The following RORB variants were observed in gnomAD, a reference collection of about 807,000 sequenced individuals.
RORB encodes RAR related orphan receptor B.
Under a neutral mutation model 59.1 loss-of-function variants are expected in RORB, and 6 were observed. The observed-to-expected ratio is 0.10, with a 90% confidence interval of 0.06 to 0.20. The LOEUF (loss-of-function observed/expected upper bound fraction) is 0.20, where lower values mean the gene tolerates loss of function less well. Among genes scored for constraint, RORB ranks in the 10% least tolerant of loss-of-function variants. RORB has a pLI of 1.00. For missense variants in RORB, 320 were observed against 560.5 expected (o/e 0.57, Z 4.33); for synonymous variants, 215 against 204.5 (o/e 1.05, Z -0.44).
At chr9:74,632,312 T>C (rs1018944019) in intron 2 of RORB, among the ~76,000 whole-genome samples, 1 of 152,148 alleles carries the variant, frequency 6.6e-6, no homozygotes, top group African/African-American at 2.4e-5. Context: ...TTAGTCAAAA[T>C]GGCACTGTAC....
In RORB at chr9:74,662,691, T is replaced by G. The variant is rs1296605626; in HGVS notation, c.892+85T>G. On this transcript the variant is annotated intron_variant, in intron 6 of 9. Coordinates refer to ENST00000376896, the MANE Select transcript of RORB (RefSeq NM_006914.4). ...CTGTGTTGGTTCTAGAAAATCCTCC[T>G]TCCGATATGCAGCTCGTTTCTACCA... The G allele has an allele frequency of 1.5e-5, 21 of 1,419,966 alleles. No homozygotes were observed. The East Asian group carries it at 4.9e-4, about 33-fold the overall frequency. 88.0% of individuals were successfully genotyped at this position (1,419,966 alleles called of 1,614,324 possible). A position where few individuals can be genotyped will look rare whatever the true frequency, so the allele number is the denominator to read the frequency against.
At chr9:74,573,817 A>C (rs1266085201) in intron 1 of RORB, among the ~76,000 whole-genome samples, 1 of 152,110 alleles carries the variant, frequency 6.6e-6, no homozygotes, top group African/African-American at 2.4e-5. Context: ...TTCTGTCCTC[A>C]GGTGCTCTTG....
intron 1 of RORB, among the ~76,000 whole-genome samples, chr9:74,527,683 CA>C (rs1826176493): frequency 6.6e-6 from 1 of 152,004 alleles, no homozygotes. Flanking sequence ...CATGTTTTGT[CA>C]AAGATTTCCA....
intron 3 of RORB, among the ~76,000 whole-genome samples, chr9:74,639,442 C>T (rs1164785930): frequency 2.0e-5 from 3 of 151,828 alleles, no homozygotes; most frequent in Non-Finnish European, 4.4e-5. Flanking sequence ...AATCAGTCAT[C>T]TACAAAGTAT....
At chr9:74,627,298 T>C (rs1437177985) in intron 1 of RORB, among the ~76,000 whole-genome samples, 2 of 152,224 alleles carry the variant, frequency 1.3e-5, no homozygotes, top group Non-Finnish European at 2.9e-5. Flanking sequence ...GGATGATTTA[T>C]TATATTGCAA....
chr9:74,501,643 G>T (rs1825805051), intron 1 of RORB, among the ~76,000 whole-genome samples: 3 of 152,070 alleles, frequency 2.0e-5, no homozygotes, highest in Admixed American at 6.6e-5. Context: ...ATAATATATA[G>T]CCATAAGAAT....
intron 1 of RORB, among the ~76,000 whole-genome samples, chr9:74,541,049 G>A (rs1317328983): frequency 6.6e-6 from 1 of 151,994 alleles, no homozygotes; most frequent in African/African-American, 2.4e-5. Context: ...AGGAGGCCAA[G>A]GCGGGTAGAT....
intron 1 of RORB, among the ~76,000 whole-genome samples, chr9:74,598,371 T>G (rs1308376899): frequency 6.6e-6 from 1 of 152,156 alleles, no homozygotes; most frequent in East Asian, 1.9e-4. Flanking sequence ...AACAGCCCAC[T>G]CTCGATCTGC....
At chr9:74,569,278 G>GT (rs1822514645) in intron 1 of RORB, among the ~76,000 whole-genome samples, 1 of 151,882 alleles carries the variant, frequency 6.6e-6, no homozygotes, top group Non-Finnish European at 1.5e-5. Flanking sequence ...ATTTTTCTTA[G>GT]TTTTTATGAA....
chr9:74,588,663 A>G (rs551922319), intron 1 of RORB, among the ~76,000 whole-genome samples: 2 of 152,344 alleles, frequency 1.3e-5, no homozygotes, highest in East Asian at 3.9e-4. Flanking sequence ...AAAGTAAGAT[A>G]AAAACATTTC....
intron 1 of RORB, among the ~76,000 whole-genome samples, chr9:74,584,258 G>A (rs560803521): frequency 7.9e-5 from 12 of 152,244 alleles, no homozygotes; most frequent in Admixed American, 1.3e-4. Context: ...TCATTACTGC[G>A]CATGTATAGA....
At position 74,690,553 on chromosome 9, in the gene RORB, G is replaced by C. The variant is rs1410228; in HGVS notation, c.*4935G>C. Reference sequence around the variant, plus strand: ...CAAATACATCACTGAGCAGAAGAGGGCCCATAGATCGTCAGCTTGCAGCCT... The same window carrying C: ...CAAATACATCACTGAGCAGAAGAGGCCCCATAGATCGTCAGCTTGCAGCCT... On this transcript the variant is annotated 3_prime_UTR_variant, in exon 10 of 10. Coordinates refer to ENST00000376896, the MANE Select transcript of RORB (RefSeq NM_006914.4). The C allele has an allele frequency of 1.3e-5, 2 of 152,070 alleles. No homozygotes were observed. The highest frequency in any genetic ancestry group is 2.9e-5 in the Non-Finnish European group (2 of 68,044). 9.4% of individuals were successfully genotyped at this position (152,070 alleles called of 1,614,324 possible).
At chr9:74,642,351 C>A in intron 3 of RORB, 63 bp from the exon 4 acceptor site, 1 of 1,506,942 alleles carries the variant, frequency 6.6e-7, no homozygotes, top group African/African-American at 1.4e-5. Context: ...ACCCGTTGTA[C>A]CTGAGGTGGT....
chr9:74,603,277 G>A (rs1434836583), intron 1 of RORB, among the ~76,000 whole-genome samples: 2 of 152,146 alleles, frequency 1.3e-5, no homozygotes, highest in East Asian at 3.9e-4. Context: ...TTGGTGCAAT[G>A]GCAGTGAGCT....
At chr9:74,596,926 A>C (rs557627337) in intron 1 of RORB, among the ~76,000 whole-genome samples, 1 of 152,224 alleles carries the variant, frequency 6.6e-6, no homozygotes, top group Admixed American at 6.5e-5. Flanking sequence ...CATTTCCACT[A>C]TCACAGAAAA....
At chr9:74,662,706 C>A in intron 6 of RORB, 100 bp downstream of exon 6, 1 of 1,253,360 alleles carries the variant, frequency 8.0e-7, no homozygotes, top group Non-Finnish European at 1.1e-6. Flanking sequence ...ATATGCAGCT[C>A]GTTTCTACCA....
intron 1 of RORB, among the ~76,000 whole-genome samples, chr9:74,523,451 A>T (rs1167847003): frequency 1.3e-5 from 2 of 151,924 alleles, no homozygotes; most frequent in African/African-American, 2.4e-5. Context: ...AGAAAAAAAG[A>T]TTGCAAAATC....
intron 1 of RORB, among the ~76,000 whole-genome samples, chr9:74,619,655 T>C (rs961848747): frequency 5.9e-5 from 9 of 152,246 alleles, no homozygotes; most frequent in Admixed American, 3.9e-4. Context: ...TTTCACCATG[T>C]TGGTCAGGCT....
chr9:74,527,231 G>A (rs561303135), intron 1 of RORB, among the ~76,000 whole-genome samples: 18 of 151,900 alleles, frequency 1.2e-4, no homozygotes, highest in South Asian at 4.1e-4. Flanking sequence ...TAGGATGTGA[G>A]GAGTAGGTTT....
Sources: gnomAD v4.1 joint callset for allele counts (sites outside exome capture counted in the v4.1 genomes callset) on GRCh38, gnomAD v4.1.1 for gene constraint, MANE v1.5 for transcripts, NCBI Gene and HGNC (gene_info 2026-07-23, HGNC 2026-07-21) for gene names.